TJP1: variants seen among roughly 807,000 people sequenced by gnomAD.
TJP1 encodes the protein tight junction protein 1.
TJP1 carries 43 observed loss-of-function variants against 194.2 expected under a neutral mutation model. The observed-to-expected ratio is 0.22, with a 90% CI of 0.17 to 0.29. The LOEUF (loss-of-function observed/expected upper bound fraction) is 0.29. Ranked by LOEUF, TJP1 falls within the 10% of genes least tolerant of loss-of-function variation. The probability of loss-of-function intolerance (pLI) is 1.00; values close to 1 mark genes in which losing one functional copy is unlikely to be tolerated. For synonymous variants in TJP1, 801 were observed against 779.0 expected, an observed-to-expected ratio of 1.03 and a Z score of -0.47; for missense variants, 1,971 against 2,185.7, an observed-to-expected ratio of 0.90 and a Z score of 1.96.
intron 2 of TJP1, among the ~76,000 whole-genome samples, chr15:29,775,821 T>C (rs80253142): frequency 0.044 from 6,687 of 152,192 alleles, 167 homozygotes; most frequent in South Asian, 0.075. Context: ...GAAATATAGA[T>C]GGCCAAAATT....
In TJP1 at chr15:29,706,281, TAGAGAA is replaced by T. The variant is rs759845199; in HGVS notation, c.4851-542_4851-537del. ...CCATTCTAGAAAATTTCAAAAATTC[TAGAGAA>T]ATGTCAAAAATTCAATTTTTGAAGG... On this transcript the variant is annotated intron_variant, in intron 25 of 27. Coordinates refer to ENST00000614355, the MANE Select transcript of TJP1 (RefSeq NM_001330239.4). Among the ~76,000 whole-genome samples the T allele has an allele frequency of 2.2e-3, 334 of 152,314 alleles. 4 individuals are homozygous for T. Among genetic ancestry groups the T allele is most frequent in the Non-Finnish European group, 2.1e-3 (145 of 68,026 alleles).
intron 27 of TJP1, among the ~76,000 whole-genome samples, chr15:29,702,282 G>A (rs2041597759): frequency 6.6e-6 from 1 of 152,176 alleles, no homozygotes; most frequent in East Asian, 1.9e-4. Flanking sequence ...CTGCACCAGA[G>A]CTGCTCAGCT....
intron 5 of TJP1, among the ~76,000 whole-genome samples, chr15:29,765,068 A>C (rs941894493): frequency 6.6e-6 from 1 of 152,240 alleles, no homozygotes; most frequent in African/African-American, 2.4e-5. Context: ...GGGGAAAAAA[A>C]CAGAAAGATA....
At chr15:29,919,349 A>C (rs2054284324) in intron 2 of TJP1, among the ~76,000 whole-genome samples, 3 of 152,284 alleles carry the variant, frequency 2.0e-5, no homozygotes, top group Non-Finnish European at 4.4e-5. Context: ...CTGGCCTCAC[A>C]CTATGGGTCT....
At chr15:29,904,176 G>T (rs929402726) in intron 2 of TJP1, among the ~76,000 whole-genome samples, 1 of 152,046 alleles carries the variant, frequency 6.6e-6, no homozygotes, top group African/African-American at 2.4e-5. Flanking sequence ...CCACAATGAG[G>T]GTTCAGGATT....
In TJP1 at chr15:29,903,723, C is replaced by A. The variant is rs542974482; in HGVS notation, c.306+52509G>T. Among the ~76,000 whole-genome samples, 3 of 152,308 alleles carry A rather than the reference C, an allele frequency of 2.0e-5. No homozygotes were observed. In the South Asian group the frequency reaches 6.2e-4, roughly 32 times the overall value. On this transcript the variant is annotated intron_variant, in intron 2 of 28. Coordinates refer to the TJP1 transcript ENST00000356107. ...CCTCCCAAAGTGCTGGGATTACAGG[C>A]GTGAGCTACCACGCCCGGCCCAAGT...
At chr15:29,796,351 A>C (rs976446938) in intron 2 of TJP1, among the ~76,000 whole-genome samples, 23 of 151,500 alleles carry the variant, frequency 1.5e-4, no homozygotes, top group Admixed American at 1.1e-3. Context: ...AAAAAAAAAA[A>C]CAAAAAAAAA....
intron 27 of TJP1, among the ~76,000 whole-genome samples, chr15:29,702,132 T>C (rs993318572): frequency 3.3e-5 from 5 of 152,046 alleles, no homozygotes; most frequent in Non-Finnish European, 7.4e-5. Flanking sequence ...GGAGGATAAT[T>C]ATGTGATCAC....
At chr15:29,879,916 C>G (rs527785318) in intron 2 of TJP1, among the ~76,000 whole-genome samples, 8 of 152,174 alleles carry the variant, frequency 5.3e-5, no homozygotes, top group African/African-American at 1.9e-4. Context: ...TTCACCACGT[C>G]AGCCAGACTG....
intron 23 of TJP1, among the ~76,000 whole-genome samples, chr15:29,715,518 T>C (rs1056084870): frequency 2.0e-5 from 3 of 152,232 alleles, no homozygotes; most frequent in Non-Finnish European, 4.4e-5. Flanking sequence ...CAATAGTAAA[T>C]GACAAATAGG....
chr15:29,861,639 CTTTT>C (rs1247030288), intron 2 of TJP1, among the ~76,000 whole-genome samples: 26 of 151,874 alleles, frequency 1.7e-4, no homozygotes, highest in Non-Finnish European at 3.1e-4. Flanking sequence ...ATTGGCTTGT[CTTTT>C]TTTTGTTGAT....
intron 2 of TJP1, among the ~76,000 whole-genome samples, chr15:29,797,998 T>G (rs1359917410): frequency 6.6e-6 from 1 of 152,114 alleles, no homozygotes; most frequent in African/African-American, 2.4e-5. Flanking sequence ...GAATGGCAAT[T>G]GGTCTTGCTC....
intron 2 of TJP1, among the ~76,000 whole-genome samples, chr15:29,843,191 T>C (rs2051290634): frequency 2.0e-5 from 1 of 49,334 alleles, no homozygotes; most frequent in Admixed American, 2.3e-4. Context: ...CTTTTCTTTT[T>C]TTTTTTCTTT....
chr15:29,836,657 C>T lies in TJP1; in HGVS notation c.307-35955G>A, dbSNP rs544868751. On this transcript the variant is annotated intron_variant, in intron 2 of 28. Transcript: ENST00000356107. ...CATAACATTGCTATGGTCTGAATAT[C>T]CCCCCAAATTCATGAGTTGAAACTT... Among the ~76,000 whole-genome samples the T allele has an allele frequency of 4.6e-5, 7 of 152,218 alleles. No individual in the cohort carries two copies. The South Asian group carries it at 1.5e-3, about 32-fold the overall frequency.
At chr15:29,755,059 T>C (rs760518244) in intron 8 of TJP1, among the ~76,000 whole-genome samples, 5 of 152,140 alleles carry the variant, frequency 3.3e-5, no homozygotes, top group South Asian at 4.1e-4. Context: ...CCACAGACAA[T>C]AGTGGTCCCT....
intron 2 of TJP1, among the ~76,000 whole-genome samples, chr15:29,854,431 G>C (rs1172616094): frequency 6.6e-6 from 1 of 152,142 alleles, no homozygotes; most frequent in African/African-American, 2.4e-5. Flanking sequence ...GTCCTTATAA[G>C]AGGGAGGCAG....
intron 2 of TJP1, among the ~76,000 whole-genome samples, chr15:29,829,650 A>G (rs1173138182): frequency 1.3e-5 from 2 of 152,026 alleles, no homozygotes; most frequent in East Asian, 1.9e-4. Flanking sequence ...AAAAAAAAAA[A>G]AAGATTTCTT....
At chr15:29,863,055 G>A (rs1022894006) in intron 2 of TJP1, among the ~76,000 whole-genome samples, 4 of 151,668 alleles carry the variant, frequency 2.6e-5, no homozygotes, top group Non-Finnish European at 4.4e-5. Flanking sequence ...AGCACTTTGG[G>A]AGGCCAAGGT....
At chr15:29,949,683 T>TCCACCTC (rs2055551276) in intron 2 of TJP1, among the ~76,000 whole-genome samples, 1 of 15,612 alleles carries the variant, frequency 6.4e-5, no homozygotes, top group African/African-American at 2.3e-4. Context: ...ACCTCCACCT[T>TCCACCTC]CACCACCACC....
Sources: allele counts gnomAD v4.1 joint callset (sites outside exome capture counted in the v4.1 genomes callset), GRCh38; gene constraint gnomAD v4.1.1; transcripts MANE v1.5; gene names NCBI Gene and HGNC (gene_info 2026-07-23, HGNC 2026-07-21).